The following EHMT2 variants were observed in gnomAD, a reference collection of about 807,000 sequenced individuals.
The protein encoded by EHMT2 is euchromatic histone lysine methyltransferase 2.
A neutral mutation model predicts 143.3 loss-of-function variants in EHMT2; 59 were observed. The ratio of observed to expected loss-of-function variants is 0.41; its 90% confidence interval spans 0.33 to 0.51. EHMT2 has a LOEUF of 0.51. Ranked by LOEUF, EHMT2 falls within the 20% of genes least tolerant of loss-of-function variation. The probability of loss-of-function intolerance (pLI) is 0.18; values close to 1 mark genes in which losing one functional copy is unlikely to be tolerated. For missense variants in EHMT2, 1,174 were observed against 1,645.9 expected, an observed-to-expected ratio of 0.71 and a Z score of 4.96; for synonymous variants, 604 against 651.5, an observed-to-expected ratio of 0.93 and a Z score of 1.11.
At chr6:31,897,267 C>T in intron 1 of EHMT2, 2 of 903,746 alleles carry the variant, frequency 2.2e-6, no homozygotes, top group Non-Finnish European at 2.9e-6. Flanking sequence ...CCGCCCCCTC[C>T]TCCCGGCTGC....
At position 31,889,707 on chromosome 6, in the gene EHMT2, G is replaced by A; in HGVS notation, c.865-105C>T. 1.4e-6 allele frequency: 2 copies of A among 1,430,990 alleles called. No homozygotes were observed. Among genetic ancestry groups the A allele is most frequent in the Non-Finnish European group, 1.9e-6 (2 of 1,034,276 alleles). The allele number at this position is 1,430,990 out of a possible 1,614,324, so 88.6% of individuals were successfully genotyped here. ...TGCCCCCCGCCACTACCCACGGATG[G>A]CTGCTGGGGATAAGTGTGGGTAGCA... On this transcript the variant is annotated intron_variant, in intron 7 of 27. Transcript: ENST00000375537. This position sits in a 1 kb window ranked among gnomAD's most constrained non-coding sequence, Gnocchi z 5.1.
At chr6:31,892,997 T>C (rs1039490465) in intron 4 of EHMT2, 87 bp from the exon 5 acceptor site, 2 of 803,882 alleles carry the variant, frequency 2.5e-6, no homozygotes, top group South Asian at 1.8e-5. Context: ...GGGGGTGGGG[T>C]AGTGAGCCAC....
At chr6:31,891,728 C>T (rs1765710670) in intron 7 of EHMT2, among the ~76,000 whole-genome samples, 1 of 152,170 alleles carries the variant, frequency 6.6e-6, no homozygotes. Flanking sequence ...ACGAAATAAG[C>T]AAATAAATGA....
intron 4 of EHMT2, among the ~76,000 whole-genome samples, chr6:31,894,847 T>C (rs1175853188): frequency 1.3e-5 from 2 of 151,920 alleles, no homozygotes; most frequent in African/African-American, 2.4e-5. Flanking sequence ...GAGACGGGGT[T>C]TGGACATGTT....
chr6:31,880,653 A>G lies in EHMT2; in HGVS notation c.3452+20T>C. ...TCTCCCACCCCCTGGCAGAGCCCCT[A>G]GAGACCCCTAGAGTCTCACCCTAGC... On this transcript the variant is annotated intron_variant, in intron 27 of 27. Coordinates refer to ENST00000375537, the Ensembl canonical transcript of EHMT2. The surrounding 1 kb of genome is among the most constrained non-coding windows in gnomAD (Gnocchi z 6.6). The G allele has an allele frequency of 6.2e-7, 1 of 1,611,158 alleles. No homozygotes were observed. Among genetic ancestry groups the G allele is most frequent in the Non-Finnish European group, 8.5e-7 (1 of 1,178,540 alleles).
Position 31,880,385 on chromosome 6 carries a change from G to A in EHMT2, c.3453-121C>T, listed in dbSNP as rs1319107190. The A allele has an allele frequency of 1.7e-6, 2 of 1,149,134 alleles. No individual in the cohort carries two copies. Among genetic ancestry groups the A allele is most frequent in the Non-Finnish European group, 2.4e-6 (2 of 819,306 alleles). 71.2% of individuals were successfully genotyped at this position (1,149,134 alleles called of 1,614,324 possible). ...ACACCCAACCTATCTTCTCCAGATG[G>A]GATCTGAGCCCCTTGTATGTTCTAT... On this transcript the variant is annotated intron_variant, in intron 27 of 27. Coordinates refer to ENST00000375537, the Ensembl canonical transcript of EHMT2. The surrounding 1 kb of genome is among the most constrained non-coding windows in gnomAD (Gnocchi z 6.6).
chr6:31,892,606 A>G, intron 6 of EHMT2, 44 bp from the exon 7 acceptor site: 5 of 1,612,638 alleles, frequency 3.1e-6, no homozygotes, highest in African/African-American at 1.3e-5. Flanking sequence ...CACCCTGCGC[A>G]TTTCTACTGA....
At chr6:31,897,206 T>C (rs1393313155) in intron 1 of EHMT2, 3 of 1,237,666 alleles carry the variant, frequency 2.4e-6, no homozygotes, top group Non-Finnish European at 3.1e-6. Flanking sequence ...CCCGCATCTC[T>C]GGGGCCGAGA....
At chr6:31,887,740 T>C in intron 14 of EHMT2, 39 bp downstream of exon 14, 1 of 1,603,778 alleles carries the variant, frequency 6.2e-7, no homozygotes, top group South Asian at 1.1e-5. Flanking sequence ...TCCTCTGGCC[T>C]CAGCCCCAGT....
At position 31,883,293 on chromosome 6, in the gene EHMT2, T is replaced by C; in HGVS notation, c.2994+69A>G. The C allele has an allele frequency of 6.7e-7, 1 of 1,490,086 alleles. No individual in the cohort carries two copies. Among genetic ancestry groups the C allele is most frequent in the Non-Finnish European group, 9.3e-7 (1 of 1,073,998 alleles). The allele number at this position is 1,490,086 out of a possible 1,614,324, so 92.3% of individuals were successfully genotyped here. On this transcript the variant is annotated intron_variant, in intron 23 of 27. Coordinates refer to ENST00000375537, the Ensembl canonical transcript of EHMT2. The surrounding 1 kb of genome is among the most constrained non-coding windows in gnomAD (Gnocchi z 5.6). ...GGTGAGGGACATGGTCCCAGGGAGC[T>C]GGTTTATTGGAGGCTGGCTCCTCTG...
Position 31,884,567 on chromosome 6 carries a change from G to C in EHMT2, c.2604-8C>G. 1 of 1,612,680 alleles carries C rather than the reference G, an allele frequency of 6.2e-7. No homozygotes were observed. Among genetic ancestry groups the C allele is most frequent in the Non-Finnish European group, 8.5e-7 (1 of 1,179,850 alleles). ...CCACGTGACAGGAATAACCTGAAGAGGGGACAGGATGCCCAATGCAGGGTC... is the reference window on the plus strand; with the variant it reads ...CCACGTGACAGGAATAACCTGAAGACGGGACAGGATGCCCAATGCAGGGTC... On this transcript the variant is annotated splice_region_variant and splice_polypyrimidine_tract_variant and intron_variant, in intron 20 of 27. Transcript: ENST00000375537. The surrounding 1 kb of genome is among the most constrained non-coding windows in gnomAD (Gnocchi z 7.3).
chr6:31,890,706 A>T (rs1230521361), intron 7 of EHMT2, among the ~76,000 whole-genome samples: 1 of 150,534 alleles, frequency 6.6e-6, no homozygotes, highest in Non-Finnish European at 1.5e-5. Flanking sequence ...TCTACTAAAA[A>T]TACAAAAAAT....
rs1238007851 is a variant in EHMT2 at position 31,884,450 on chromosome 6, G to A, written c.2713C>T (p.Arg905Cys). ...TTTCCCACCCCAAGTCGGAGCTTGC[G>A]GTTGAGTTGAAGCGCAAACCACACG... The change falls in exon 21 of 28, where the codon CGC (arginine) becomes TGC (cysteine). Residue 905 changes from arginine to cysteine, a missense_variant. Coordinates refer to ENST00000375537, the Ensembl canonical transcript of EHMT2. This position sits in a 1 kb window ranked among gnomAD's most constrained non-coding sequence, Gnocchi z 7.3. 6 of 1,612,914 alleles carry A rather than the reference G, an allele frequency of 3.7e-6. No homozygotes were observed. The East Asian group carries it at 6.7e-5, about 18-fold the overall frequency.
At chr6:31,892,266 G>T in intron 7 of EHMT2, 141 bp downstream of exon 7, 1 of 973,482 alleles carries the variant, frequency 1.0e-6, no homozygotes, top group Non-Finnish European at 1.5e-6. Flanking sequence ...AGGAGTTATA[G>T]ACAGCATGGG....
At chr6:31,892,313 C>T in intron 7 of EHMT2, 94 bp downstream of exon 7, 1 of 1,421,074 alleles carries the variant, frequency 7.0e-7, no homozygotes, top group Non-Finnish European at 9.6e-7. Context: ...ATAAAAAGGA[C>T]AGAAAGCAGA....
At chr6:31,890,647 C>T (rs1164918183) in intron 7 of EHMT2, among the ~76,000 whole-genome samples, 2 of 150,572 alleles carry the variant, frequency 1.3e-5, no homozygotes, top group Non-Finnish European at 3.0e-5. Context: ...GGGCAGATCA[C>T]GAGATCAGGA....
intron 4 of EHMT2, chr6:31,893,503 T>A (rs1481127403): frequency 6.1e-6 from 2 of 330,028 alleles, no homozygotes; most frequent in African/African-American, 4.4e-5. Context: ...TAATTTTTTT[T>A]TTTGGTAGAG....
At position 31,883,703 on chromosome 6, in the gene EHMT2, C is replaced by A; in HGVS notation, c.2916+103G>T. 6.7e-7 allele frequency: 1 copy of A among 1,499,328 alleles called. No individual in the cohort carries two copies. 92.9% of individuals were successfully genotyped at this position (1,499,328 alleles called of 1,614,324 possible). The stretch of plus-strand genomic sequence containing the variant: ...ACCCCACACCAGGGCTCCCTTTCAG[C>A]CAACCCTTCCTTGGCCAGGTGCCTT... On this transcript the variant is annotated intron_variant, in intron 22 of 27. Transcript: ENST00000375537. The surrounding 1 kb of genome is among the most constrained non-coding windows in gnomAD (Gnocchi z 5.6).
chr6:31,883,236 G>A lies in EHMT2; in HGVS notation c.2994+126C>T, dbSNP rs555543214. On this transcript the variant is annotated intron_variant, in intron 23 of 27. Coordinates refer to ENST00000375537, the Ensembl canonical transcript of EHMT2. The surrounding 1 kb of genome is among the most constrained non-coding windows in gnomAD (Gnocchi z 5.6). ...TCCCAGGATTCCCAGGCCTTGCCCA[G>A]TCCTCTCAGTCACTTCCCCCACAGG... 518 of 1,068,626 alleles carry A rather than the reference G, an allele frequency of 4.8e-4. 14 individuals are homozygous for A. The Admixed American group carries it at 7.7e-3, about 16-fold the overall frequency. The allele number at this position is 1,068,626 out of a possible 1,614,324, so 66.2% of individuals were successfully genotyped here.
Sources: allele counts gnomAD v4.1 joint callset (sites outside exome capture counted in the v4.1 genomes callset), GRCh38; gene constraint gnomAD v4.1.1; non-coding constraint Gnocchi (gnomAD v3.1); transcripts MANE v1.5; gene names NCBI Gene and HGNC (gene_info 2026-07-23, HGNC 2026-07-21).